Variants in PPP1R42 observed in about 807,000 individuals in gnomAD.
PPP1R42 encodes the protein protein phosphatase 1 regulatory subunit 42, also known as leucine rich repeat containing 67.
PPP1R42 carries 34 observed loss-of-function variants against 31.0 expected under a neutral mutation model. That is an observed-to-expected ratio of 1.10 (90% CI 0.83 to 1.46). PPP1R42 has a LOEUF of 1.46. PPP1R42 is among the 40% of genes most tolerant of loss of function. The pLI is 0.00. For missense variants in PPP1R42, 268 were observed against 303.0 expected (o/e 0.88, Z 0.86); for synonymous variants, 103 against 109.8 (o/e 0.94, Z 0.39).
chr8:67,013,075 A>C lies in PPP1R42; in HGVS notation c.318T>G (p.Ile106Met), dbSNP rs568305983. 1 of 1,600,888 alleles carries C rather than the reference A, an allele frequency of 6.2e-7. No individual in the cohort carries two copies. Among genetic ancestry groups the C allele is most frequent in the South Asian group, 1.1e-5 (1 of 87,344 alleles). The part of the protein sequence containing the change: ...LEKLYLGGNY[I>M]AVIEGLEGLG... Reference sequence around the variant, plus strand: ...ATCCTTCTAAACCTTCTATGACAGCAATGTAATTGCCTCCCAGATACCTGC... The same window carrying C: ...ATCCTTCTAAACCTTCTATGACAGCCATGTAATTGCCTCCCAGATACCTGC... Residue 106 changes from isoleucine to methionine, a missense_variant, in exon 4 of 8, where the codon ATT (isoleucine) becomes ATG (methionine). Physicochemically the swap from Ile to Met is conservative, Grantham distance 10. Coordinates refer to ENST00000685739, the MANE Select transcript of PPP1R42 (RefSeq NM_001364910.1).
chr8:66,981,049 C>G (rs1814817052), intron 7 of PPP1R42, among the ~76,000 whole-genome samples: 2 of 152,052 alleles, frequency 1.3e-5, no homozygotes, highest in Admixed American at 1.3e-4. Context: ...ACCGTGTTGA[C>G]CAGGATGGTC....
chr8:67,014,524 A>G lies in PPP1R42; in HGVS notation c.198T>C (p.Thr66=). ...YLYDNCISQI[T]NLNYATNLTH... is the part of the protein sequence containing the mutation. ...TCAGATTTGTGGCATAATTCAGGTT[A>G]GTGATTTGACTAATACAATTATCAT... is the stretch of plus-strand genomic sequence containing the variant. The change falls in exon 3 of 8, where the codon ACT becomes ACC. Residue 66 remains threonine (T), a synonymous_variant. Transcript: ENST00000685739. The G allele has an allele frequency of 6.4e-7, 1 of 1,569,828 alleles. No individual in the cohort carries two copies. The highest frequency in any genetic ancestry group is 8.7e-7 in the Non-Finnish European group (1 of 1,145,540).
chr8:66,993,838 A>T (rs1815259546), intron 5 of PPP1R42, among the ~76,000 whole-genome samples: 1 of 129,046 alleles, frequency 7.7e-6, no homozygotes, highest in Non-Finnish European at 1.6e-5. Flanking sequence ...TGTATGAGAG[A>T]TGAATGAATG....
intron 5 of PPP1R42, among the ~76,000 whole-genome samples, chr8:66,999,759 G>GC (rs1815431282): frequency 6.6e-6 from 1 of 152,202 alleles, no homozygotes; most frequent in Non-Finnish European, 1.5e-5. Context: ...TCTCTTTGCG[G>GC]TGAGGTTTTT....
chr8:66,965,444 C>CT (rs113305646), intron 7 of PPP1R42, among the ~76,000 whole-genome samples: 5,370 of 139,144 alleles, frequency 0.039, 201 homozygotes, highest in African/African-American at 0.09. Context: ...CTTCTTTTTT[C>CT]TTTTTTTTTT....
chr8:66,968,106 A>G (rs569475828), intron 7 of PPP1R42, among the ~76,000 whole-genome samples: 1 of 152,188 alleles, frequency 6.6e-6, no homozygotes, highest in Non-Finnish European at 1.5e-5. Flanking sequence ...CAGTGAAGGC[A>G]TTTGTTCAGA....
chr8:67,003,342 T>C (rs1815564587), intron 5 of PPP1R42, among the ~76,000 whole-genome samples: 1 of 151,128 alleles, frequency 6.6e-6, no homozygotes, highest in Non-Finnish European at 1.5e-5. Flanking sequence ...TTCTGGGTTT[T>C]TTTTTTGACT....
chr8:67,012,865 T>A, intron 4 of PPP1R42, 93 bp downstream of exon 4: 2 of 1,219,840 alleles, frequency 1.6e-6, no homozygotes, highest in Non-Finnish European at 2.2e-6. Flanking sequence ...GAAGAGGATG[T>A]ACAATGTCCA....
At chr8:66,996,254 C>T (rs900866162) in intron 5 of PPP1R42, among the ~76,000 whole-genome samples, 1 of 152,152 alleles carries the variant, frequency 6.6e-6, no homozygotes, top group Admixed American at 6.5e-5. Context: ...GTTTCACCAT[C>T]TTTCCCAGGC....
intron 5 of PPP1R42, among the ~76,000 whole-genome samples, chr8:66,999,685 T>C (rs1815428698): frequency 6.6e-6 from 1 of 152,212 alleles, no homozygotes; most frequent in Admixed American, 6.5e-5. Flanking sequence ...TTGTGTAAGA[T>C]TGGTATCATT....
intron 1 of PPP1R42, among the ~76,000 whole-genome samples, chr8:67,022,312 T>C (rs1325767339): frequency 2.0e-5 from 3 of 152,234 alleles, no homozygotes; most frequent in Admixed American, 1.3e-4. Flanking sequence ...TCTCTTCTGT[T>C]AATTGCTATT....
chr8:67,019,667 C>A (rs371983108), intron 1 of PPP1R42, among the ~76,000 whole-genome samples: 2 of 151,662 alleles, frequency 1.3e-5, no homozygotes, highest in African/African-American at 4.8e-5. Flanking sequence ...CCGAGGCGGG[C>A]GGATCACAAG....
intron 7 of PPP1R42, among the ~76,000 whole-genome samples, chr8:66,979,726 A>AT (rs1429188922): frequency 2.0e-5 from 3 of 151,118 alleles, no homozygotes; most frequent in Admixed American, 6.6e-5. Context: ...ACATTTTAGG[A>AT]TTTTTTTTCT....
Position 66,983,994 on chromosome 8 carries a change from C to A in PPP1R42, c.671-1814G>T, listed in dbSNP as rs28514951. The A allele has an allele frequency of 0.011, 9,151 of 824,524 alleles. 417 individuals carry two copies. The African/African-American group carries it at 0.12, about 11-fold the overall frequency. The allele number at this position is 824,524 out of a possible 1,614,324, so 51.1% of individuals were successfully genotyped here. A position where few individuals can be genotyped will look rare whatever the true frequency, so the allele number is the denominator to read the frequency against. ...ACACCAGGCTGACTGGGGAAGGGAG[C>A]AAGATATTCTCCCTTTGTCCCAATG... On this transcript the variant is annotated intron_variant, in intron 6 of 7. Coordinates refer to ENST00000685739, the MANE Select transcript of PPP1R42 (RefSeq NM_001364910.1).
intron 3 of PPP1R42, 26 bp downstream of exon 3, chr8:67,014,400 C>T: frequency 7.4e-7 from 1 of 1,343,006 alleles, no homozygotes. Context: ...AAATCAGATA[C>T]ATTATTAAAA....
intron 7 of PPP1R42, chr8:66,971,164 G>A: frequency 2.8e-6 from 4 of 1,452,096 alleles, no homozygotes; most frequent in Non-Finnish European, 3.6e-6. Flanking sequence ...AGAAATAAAA[G>A]CATTCTGCTT....
chr8:66,966,963 T>C (rs1814400306), intron 7 of PPP1R42, among the ~76,000 whole-genome samples: 1 of 152,118 alleles, frequency 6.6e-6, no homozygotes, highest in Non-Finnish European at 1.5e-5. Flanking sequence ...CTAAAACTAG[T>C]CTGTTTTAAC....
intron 6 of PPP1R42, among the ~76,000 whole-genome samples, chr8:66,986,810 A>G (rs1433155413): frequency 2.6e-5 from 4 of 152,158 alleles, no homozygotes; most frequent in Non-Finnish European, 5.9e-5. Flanking sequence ...GAAAGTAAAT[A>G]CTTTCACAGT....
At position 66,972,940 on chromosome 8, in the gene PPP1R42, C is replaced by G. The variant is rs925258303; in HGVS notation, c.803-8606G>C. Among the ~76,000 whole-genome samples, 5 of 152,182 alleles carry G rather than the reference C, an allele frequency of 3.3e-5. No individual in the cohort carries two copies. In the East Asian group the frequency reaches 7.7e-4, roughly 23 times the overall value. On this transcript the variant is annotated intron_variant, in intron 7 of 7. Transcript: ENST00000685739. ...AGCTTCATTTAGCCTGTGCCCCCTG[C>G]TAGCTTTGTAAACTCAAGACAAGTC...
Sources: allele counts gnomAD v4.1 joint callset (sites outside exome capture counted in the v4.1 genomes callset), GRCh38; gene constraint gnomAD v4.1.1; transcripts MANE v1.5; gene names NCBI Gene and HGNC (gene_info 2026-07-23, HGNC 2026-07-21).